TMEM39A: variants seen among roughly 807,000 people sequenced by gnomAD.
The protein encoded by TMEM39A is suppressor of SQST-1 aggregates in rpl-43 mutants.
A neutral mutation model predicts 51.9 loss-of-function variants in TMEM39A; 19 were observed. The observed-to-expected ratio is 0.37, with a 90% CI of 0.26 to 0.54. The LOEUF (loss-of-function observed/expected upper bound fraction) is 0.54. TMEM39A is among the 20% of genes least tolerant of loss of function. TMEM39A has a pLI of 0.88. For missense variants in TMEM39A, 433 were observed against 590.5 expected (o/e 0.73, Z 2.76); for synonymous variants, 197 against 220.2 (o/e 0.89, Z 0.93).
intron 2 of TMEM39A, among the ~76,000 whole-genome samples, chr3:119,459,292 T>C (rs2081307357): frequency 6.6e-6 from 1 of 152,190 alleles, no homozygotes; most frequent in Non-Finnish European, 1.5e-5. Flanking sequence ...GTTTTGTCCT[T>C]GCATATAAAG....
intron 7 of TMEM39A, chr3:119,435,384 C>G: frequency 1.0e-6 from 1 of 985,224 alleles, no homozygotes; most frequent in Non-Finnish European, 1.2e-6. Flanking sequence ...AATTCAAATA[C>G]CTCACAACTG....
chr3:119,443,850 A>G (rs2081088743), intron 5 of TMEM39A, among the ~76,000 whole-genome samples: 1 of 152,092 alleles, frequency 6.6e-6, no homozygotes, highest in Non-Finnish European at 1.5e-5. Flanking sequence ...GGCTGCAGTG[A>G]GCTGTGATTG....
chr3:119,435,421 G>C lies in TMEM39A; in HGVS notation c.1113-539C>G, dbSNP rs2080955032. ...AAGAAGATATACAGTAGAACACAGC[G>C]ATACATCTCACACACACACACAGAC... is the stretch of plus-strand genomic sequence containing the variant. On this transcript the variant is annotated intron_variant, in intron 7 of 8. Transcript: ENST00000319172. 3.1e-6 allele frequency: 3 copies of C among 981,276 alleles called. 1 individual carries two copies. In the South Asian group the frequency reaches 1.4e-4, roughly 46 times the overall value. 60.8% of individuals were successfully genotyped at this position (981,276 alleles called of 1,614,324 possible).
chr3:119,460,962 A>G (rs1441216082), intron 2 of TMEM39A, among the ~76,000 whole-genome samples: 1 of 152,238 alleles, frequency 6.6e-6, no homozygotes, highest in African/African-American at 2.4e-5. Context: ...AGTATATAAA[A>G]TAATACTTAT....
At chr3:119,443,951 T>G (rs1339548090) in intron 5 of TMEM39A, among the ~76,000 whole-genome samples, 1 of 152,148 alleles carries the variant, frequency 6.6e-6, no homozygotes, top group Non-Finnish European at 1.5e-5. Flanking sequence ...TACAGTATAG[T>G]GTACACATAA....
chr3:119,436,705 A>G (rs2080972591), intron 7 of TMEM39A, 86 bp downstream of exon 7: 2 of 1,401,170 alleles, frequency 1.4e-6, no homozygotes, highest in East Asian at 4.6e-5. Flanking sequence ...GTTCAAAGCC[A>G]AGAACAAGAA....
chr3:119,463,519 G>C lies in TMEM39A; in HGVS notation c.-258C>G, dbSNP rs2081367594. 2.5e-6 allele frequency: 1 copy of C among 398,798 alleles called. No individual in the cohort carries two copies. The highest frequency in any genetic ancestry group is 4.4e-5 in the Admixed American group (1 of 22,728). The allele number at this position is 398,798 out of a possible 1,614,324, so 24.7% of individuals were successfully genotyped here. A position where few individuals can be genotyped will look rare whatever the true frequency, so the allele number is the denominator to read the frequency against. ...TCCAGGCTTCGGGCTGCCAGACTCAGACCCAGACTCCGACGCAGTTCCAGT... is the reference window on the plus strand; with the variant it reads ...TCCAGGCTTCGGGCTGCCAGACTCACACCCAGACTCCGACGCAGTTCCAGT... On this transcript the variant is annotated 5_prime_UTR_variant, in exon 1 of 9. Transcript: ENST00000319172.
chr3:119,462,476 C>T (rs1267310964), intron 1 of TMEM39A, among the ~76,000 whole-genome samples: 1 of 152,080 alleles, frequency 6.6e-6, no homozygotes, highest in Non-Finnish European at 1.5e-5. Flanking sequence ...CAATGTTTCA[C>T]ACTTAAACTA....
In TMEM39A at chr3:119,452,491, T is replaced by C; in HGVS notation, c.376A>G (p.Thr126Ala). 6.2e-7 allele frequency: 1 copy of C among 1,613,794 alleles called. No individual in the cohort carries two copies. The highest frequency in any genetic ancestry group is 8.5e-7 in the Non-Finnish European group (1 of 1,179,810). The change falls in exon 4 of 9, where the codon ACA becomes GCA. Residue 126 changes from threonine (T) to alanine (A), a missense_variant. Around this residue, in one of 3 missense-constraint regions of TMEM39A, gnomAD observed 170 missense variants for 239.8 expected, o/e 0.71. Coordinates refer to ENST00000319172, the MANE Select transcript of TMEM39A (RefSeq NM_018266.3). ...ACAAGCCTCCTCGCAAGCATCACTG[T>C]GATGAATGCTGCCAGATGATAATCA... ...LIDYHLAAFI[T>A]VMLARRLVWA...
chr3:119,450,507 A>C (rs1237351478), intron 4 of TMEM39A, among the ~76,000 whole-genome samples: 1 of 152,216 alleles, frequency 6.6e-6, no homozygotes, highest in Non-Finnish European at 1.5e-5. Flanking sequence ...ATTTAGCTTA[A>C]GTATTCTGTT....
chr3:119,441,815 G>T (rs2081057056), intron 5 of TMEM39A, among the ~76,000 whole-genome samples: 1 of 152,216 alleles, frequency 6.6e-6, no homozygotes, highest in African/African-American at 2.4e-5. Context: ...AAGCTTCAAA[G>T]GATAAGCTGA....
intron 5 of TMEM39A, 64 bp downstream of exon 5, chr3:119,446,954 C>T (rs1318709995): frequency 3.3e-6 from 5 of 1,518,204 alleles, no homozygotes; most frequent in Admixed American, 2.0e-5. Flanking sequence ...TTAAAAGTAT[C>T]GTTTACGTGA....
intron 3 of TMEM39A, among the ~76,000 whole-genome samples, chr3:119,454,416 T>C (rs759592920): frequency 7.9e-5 from 12 of 152,204 alleles, no homozygotes; most frequent in African/African-American, 1.2e-4. Flanking sequence ...TCCTCCAAAA[T>C]AATGCATGCA....
At chr3:119,452,659 A>G in intron 3 of TMEM39A, 129 bp from the exon 4 acceptor site, 1 of 640,412 alleles carries the variant, frequency 1.6e-6, no homozygotes, top group Non-Finnish European at 2.7e-6. Context: ...GATTATGGGA[A>G]TATGAGAGAT....
At chr3:119,440,058 G>T (rs976036171) in intron 5 of TMEM39A, among the ~76,000 whole-genome samples, 1 of 152,094 alleles carries the variant, frequency 6.6e-6, no homozygotes, top group African/African-American at 2.4e-5. Context: ...GTAAGCCACC[G>T]CACCCAGACA....
rs1429446859 is a variant in TMEM39A, at chr3:119,458,123, G to C, written c.231C>G (p.Phe77Leu). The C allele has an allele frequency of 3.1e-6, 5 of 1,614,032 alleles. No individual in the cohort carries two copies. The African/African-American group carries it at 6.7e-5, about 22-fold the overall frequency. The change falls in exon 3 of 9, where the codon TTC becomes TTG. Residue 77 changes from phenylalanine to leucine, a missense_variant. Physicochemically the swap from Phe to Leu is conservative, Grantham distance 22 (BLOSUM62 0). This residue lies in a region of TMEM39A where 170 missense variants were observed against 239.8 expected (regional missense o/e 0.71). Transcript: ENST00000319172. ...LPVDGSLLFE[F>L]LFFIYLLVAL... is the part of the protein sequence containing the mutation. ...CAACCAACAGGTAGATGAAAAAAAGGAATTCAAAGAGTAGGCTCCCATCCA... is the reference window on the plus strand; with the variant it reads ...CAACCAACAGGTAGATGAAAAAAAGCAATTCAAAGAGTAGGCTCCCATCCA...
intron 4 of TMEM39A, 62 bp downstream of exon 4, chr3:119,452,385 T>G: frequency 7.6e-7 from 1 of 1,324,036 alleles, no homozygotes; most frequent in Non-Finnish European, 1.1e-6. Flanking sequence ...GTTTTTAACC[T>G]GCACCCATTC....
intron 7 of TMEM39A, chr3:119,435,197 T>C: frequency 1.0e-6 from 1 of 985,394 alleles, no homozygotes; most frequent in South Asian, 4.7e-5. Context: ...AGGGTGACTG[T>C]CATCTCCATC....
chr3:119,447,166 T>C lies in TMEM39A; in HGVS notation c.427A>G (p.Lys143Glu), dbSNP rs1381149437. 6.2e-7 allele frequency: 1 copy of C among 1,608,850 alleles called. No individual in the cohort carries two copies. The highest frequency in any genetic ancestry group is 1.7e-5 in the Admixed American group (1 of 58,698). ...LVWALISEAT[K>E]AGAASMIHYM... is the part of the protein sequence containing the mutation. ...TGAATCATTGATGCTGCACCTGCCT[T>C]AGTAGCCTGAAAGTTTGGAAGCACC... The change falls in exon 5 of 9, where the codon AAG (lysine) becomes GAG (glutamate). Residue 143 changes from lysine (K) to glutamate (E), a missense_variant. By Grantham distance (56) the Lys-to-Glu change is moderately conservative (BLOSUM62 1). Transcript: ENST00000319172.
Sources: allele counts gnomAD v4.1 joint callset (sites outside exome capture counted in the v4.1 genomes callset), GRCh38; gene constraint gnomAD v4.1.1; regional missense constraint gnomAD v4.1.1; transcripts MANE v1.5; gene names NCBI Gene and HGNC (gene_info 2026-07-23, HGNC 2026-07-21).